Variants in SH3GL2 observed in about 807,000 individuals in gnomAD.
SH3GL2 encodes the protein endophilin-A1.
A neutral mutation model predicts 46.0 loss-of-function variants in SH3GL2; 24 were observed. That is an observed-to-expected ratio of 0.52 (90% confidence interval 0.38 to 0.73). SH3GL2 has a LOEUF of 0.73. SH3GL2 is among the 30% of genes least tolerant of loss of function. The pLI is 0.00. For synonymous variants in SH3GL2, 196 were observed against 147.1 expected (o/e 1.33, Z -2.40); for missense variants, 413 against 424.2 (o/e 0.97, Z 0.23).
chr9:17,733,380 CTTGTCATCTAGCATT>C (rs1822235990), intron 1 of SH3GL2, among the ~76,000 whole-genome samples: 1 of 151,906 alleles, frequency 6.6e-6, no homozygotes, highest in Non-Finnish European at 1.5e-5. Context: ...CACCCACTAA[CTTGTCATCTAGCATT>C]AGGTATATCT....
intron 2 of SH3GL2, among the ~76,000 whole-genome samples, chr9:17,748,421 T>G (rs1822753803): frequency 6.6e-6 from 1 of 152,204 alleles, no homozygotes; most frequent in African/African-American, 2.4e-5. Context: ...CTGATTTTGA[T>G]TCTACCAGAA....
intron 1 of SH3GL2, among the ~76,000 whole-genome samples, chr9:17,689,073 T>A (rs1821001075): frequency 6.6e-6 from 1 of 152,064 alleles, no homozygotes; most frequent in South Asian, 2.1e-4. Flanking sequence ...TGATAAATCA[T>A]GTTGATAGTG....
chr9:17,614,513 C>T (rs557546759), intron 1 of SH3GL2, among the ~76,000 whole-genome samples: 5 of 151,780 alleles, frequency 3.3e-5, no homozygotes, highest in Non-Finnish European at 7.4e-5. Flanking sequence ...ATTGGGACAG[C>T]GTAGCTATTT....
chr9:17,787,876 G>A (rs992463563), intron 5 of SH3GL2, among the ~76,000 whole-genome samples: 1 of 152,156 alleles, frequency 6.6e-6, no homozygotes, highest in African/African-American at 2.4e-5. Context: ...AGTTGTACTA[G>A]TTGTTAGCTT....
At chr9:17,727,445 TA>T (rs929040193) in intron 1 of SH3GL2, among the ~76,000 whole-genome samples, 18 of 152,304 alleles carry the variant, frequency 1.2e-4, no homozygotes, top group African/African-American at 4.3e-4. Flanking sequence ...GCTCCTTTAC[TA>T]AAAAAGTTTT....
chr9:17,580,246 C>T (rs1323485608), intron 1 of SH3GL2, among the ~76,000 whole-genome samples: 1 of 151,980 alleles, frequency 6.6e-6, no homozygotes. Context: ...GATGACTTAC[C>T]GCGAAATGTT....
At chr9:17,683,638 A>C (rs1472995361) in intron 1 of SH3GL2, among the ~76,000 whole-genome samples, 1 of 152,068 alleles carries the variant, frequency 6.6e-6, no homozygotes, top group Non-Finnish European at 1.5e-5. Context: ...TTGAACCAGA[A>C]CAAGAGAATA....
intron 1 of SH3GL2, among the ~76,000 whole-genome samples, chr9:17,682,153 G>T (rs528371883): frequency 6.6e-6 from 1 of 152,200 alleles, no homozygotes; most frequent in South Asian, 2.1e-4. Context: ...ACAGTGTGGC[G>T]ATTCCTCAAG....
At chr9:17,754,297 C>A (rs1388056257) in intron 2 of SH3GL2, among the ~76,000 whole-genome samples, 1 of 152,152 alleles carries the variant, frequency 6.6e-6, no homozygotes, top group Non-Finnish European at 1.5e-5. Flanking sequence ...GATATTGAGT[C>A]TTCCTATCCA....
chr9:17,649,486 G>GA (rs1819904315), intron 1 of SH3GL2, among the ~76,000 whole-genome samples: 1 of 152,042 alleles, frequency 6.6e-6, no homozygotes, highest in Admixed American at 6.5e-5. Context: ...TAATTTAAGT[G>GA]AAAAAAATCA....
chr9:17,760,813 G>T (rs775836705), intron 2 of SH3GL2, among the ~76,000 whole-genome samples: 1 of 152,068 alleles, frequency 6.6e-6, no homozygotes, highest in Non-Finnish European at 1.5e-5. Context: ...TCTTTCAAGT[G>T]GGGAGAGGGG....
chr9:17,733,368 T>C (rs552021254), intron 1 of SH3GL2, among the ~76,000 whole-genome samples: 1 of 152,150 alleles, frequency 6.6e-6, no homozygotes, highest in East Asian at 1.9e-4. Context: ...GCTGGTGTGC[T>C]GCACCCACTA....
intron 8 of SH3GL2, among the ~76,000 whole-genome samples, chr9:17,794,503 G>A (rs1824225727): frequency 6.6e-6 from 1 of 152,182 alleles, no homozygotes; most frequent in African/African-American, 2.4e-5. Flanking sequence ...CACAGAAATT[G>A]TGTATAGCTA....
At chr9:17,780,694 T>C (rs1823782471) in intron 3 of SH3GL2, among the ~76,000 whole-genome samples, 1 of 98,222 alleles carries the variant, frequency 1.0e-5, no homozygotes, top group East Asian at 3.0e-4. Flanking sequence ...TGTGATCTCA[T>C]TGTTCAATTC....
intron 1 of SH3GL2, among the ~76,000 whole-genome samples, chr9:17,671,568 C>T (rs1820475967): frequency 6.6e-6 from 1 of 152,218 alleles, no homozygotes; most frequent in East Asian, 1.9e-4. Flanking sequence ...TCACTCATTG[C>T]ATGCTTGTAT....
chr9:17,686,017 G>A (rs1473241045), intron 1 of SH3GL2, among the ~76,000 whole-genome samples: 1 of 140,194 alleles, frequency 7.1e-6, no homozygotes, highest in Non-Finnish European at 1.5e-5. Context: ...CCTACAAAAT[G>A]GGAGAAAATT....
intron 1 of SH3GL2, among the ~76,000 whole-genome samples, chr9:17,694,543 A>G (rs781421614): frequency 1.3e-5 from 2 of 152,190 alleles, no homozygotes; most frequent in Non-Finnish European, 2.9e-5. Context: ...TTTAGCTTTC[A>G]GAATTCAATT....
At chr9:17,631,510 A>G (rs1185949188) in intron 1 of SH3GL2, among the ~76,000 whole-genome samples, 1 of 152,198 alleles carries the variant, frequency 6.6e-6, no homozygotes, top group Non-Finnish European at 1.5e-5. Flanking sequence ...TACATGGAAA[A>G]TATAAGGACT....
intron 2 of SH3GL2, among the ~76,000 whole-genome samples, chr9:17,760,411 GATATTATATACCGGTAT>G (rs367800265): frequency 7.9e-5 from 12 of 151,964 alleles, no homozygotes; most frequent in Middle Eastern, 3.4e-3. Flanking sequence ...ATGCAAGGCT[GATATTATATACCGGTAT>G]ATATTATATA....
Sources: gnomAD v4.1 joint callset for allele counts (sites outside exome capture counted in the v4.1 genomes callset) on GRCh38, gnomAD v4.1.1 for gene constraint, MANE v1.5 for transcripts, NCBI Gene and HGNC (gene_info 2026-07-23, HGNC 2026-07-21) for gene names.